Variants in PLXNB1 observed in about 807,000 individuals in gnomAD.
The protein encoded by PLXNB1 is plexin B1.
A neutral mutation model predicts 209.4 loss-of-function variants in PLXNB1; 106 were observed. The ratio of observed to expected loss-of-function variants is 0.51; its 90% CI spans 0.43 to 0.59. The LOEUF (loss-of-function observed/expected upper bound fraction) is 0.59. Ranked by LOEUF, PLXNB1 falls within the 20% of genes least tolerant of loss-of-function variation. The pLI, the probability that PLXNB1 is intolerant of heterozygous loss-of-function variation, is 0.00. For missense variants in PLXNB1, 2,357 were observed against 2,853.2 expected (o/e 0.83, Z 3.96); for synonymous variants, 1,167 against 1,183.2 (o/e 0.99, Z 0.28).
Position 48,420,305 on chromosome 3 carries a change from G to C in PLXNB1, c.2029-48C>G, listed in dbSNP as rs1243166227. 2.6e-6 allele frequency: 3 copies of C among 1,153,250 alleles called. 1 individual carries two copies. The South Asian group carries it at 4.1e-5, about 16-fold the overall frequency. The allele number at this position is 1,153,250 out of a possible 1,614,324, so 71.4% of individuals were successfully genotyped here. A position where few individuals can be genotyped will look rare whatever the true frequency, so the allele number is the denominator to read the frequency against. ...ACAGGAAGGGCCACTCAGCAGGCAG[G>C]CGCGGGACAGGAGGCAGGCAGGCAC... On this transcript the variant is annotated intron_variant, in intron 10 of 37. Coordinates refer to ENST00000296440, the MANE Select transcript of PLXNB1 (RefSeq NM_001130082.3).
chr3:48,421,911 G>T, intron 6 of PLXNB1, 105 bp from the exon 7 acceptor site: 1 of 1,493,782 alleles, frequency 6.7e-7, no homozygotes, highest in Non-Finnish European at 9.0e-7. Flanking sequence ...CCCTAGAGTG[G>T]GCATGATAGA....
rs773641636 is a variant in PLXNB1, at chr3:48,413,792, G to T, written c.4413C>A (p.Ser1471=). ...CGCCGTCATACTGCACGTGACCCAG[G>T]GAGAAGCGCAAGTTCCCCATCTGCA... ...FTVQMGNLRF[S]LGHVQYDGES... is the part of the protein sequence containing the mutation. Residue 1471 remains serine (S), a synonymous_variant, in exon 23 of 38, where the codon TCC becomes TCA. Coordinates refer to ENST00000296440, the MANE Select transcript of PLXNB1 (RefSeq NM_001130082.3). The surrounding 1 kb of genome is among the most constrained non-coding windows in gnomAD (Gnocchi z 5.4). 13 of 1,613,578 alleles carry T rather than the reference G, an allele frequency of 8.1e-6. No individual in the cohort carries two copies. Among genetic ancestry groups the T allele is most frequent in the African/African-American group, 1.3e-5 (1 of 74,950 alleles).
chr3:48,419,067 C>T lies in PLXNB1; in HGVS notation c.2833-28G>A, dbSNP rs2038308526. ...GAGGGCAGAGAACACAGCTGTTGGG[C>T]AGCTTCAGGAGCTGGGCCCAGGGAG... On this transcript the variant is annotated intron_variant, in intron 12 of 37. Coordinates refer to ENST00000296440, the MANE Select transcript of PLXNB1 (RefSeq NM_001130082.3). The surrounding 1 kb of genome is among the most constrained non-coding windows in gnomAD (Gnocchi z 5.7). 6 of 1,610,708 alleles carry T rather than the reference C, an allele frequency of 3.7e-6. No individual in the cohort carries two copies. Among genetic ancestry groups the T allele is most frequent in the Non-Finnish European group, 5.1e-6 (6 of 1,177,354 alleles).
In PLXNB1 at chr3:48,410,529, T is replaced by C; in HGVS notation, c.5446A>G (p.Ile1816Val). Residue 1816 changes from isoleucine to valine, a missense_variant, in exon 30 of 38, where the codon ATT becomes GTT. Physicochemically the swap from Ile to Val is conservative, Grantham distance 29 (BLOSUM62 3). Transcript: ENST00000296440. The surrounding 1 kb of genome is among the most constrained non-coding windows in gnomAD (Gnocchi z 6.4). ...GAAGTGACATCCTCGTCAGAAAGAA[T>C]GAGGTGCCCGGCCACCCCAGACCGC... ...EWRSGVAGHL[I>V]LSDEDVTSEV... The C allele has an allele frequency of 6.2e-7, 1 of 1,613,660 alleles. No individual in the cohort carries two copies. The highest frequency in any genetic ancestry group is 8.5e-7 in the Non-Finnish European group (1 of 1,179,968).
Position 48,410,848 on chromosome 3 carries a change from G to A in PLXNB1, c.5416+20C>T. On this transcript the variant is annotated intron_variant, in intron 29 of 37. Coordinates refer to ENST00000296440, the MANE Select transcript of PLXNB1 (RefSeq NM_001130082.3). The surrounding 1 kb of genome is among the most constrained non-coding windows in gnomAD (Gnocchi z 6.4). ...GGCCCAACAGTGGCTCAGGTCCCCAGGGGCTCTCCACGCCCTCACCAACAT... is the reference window on the plus strand; with the variant it reads ...GGCCCAACAGTGGCTCAGGTCCCCAAGGGCTCTCCACGCCCTCACCAACAT... The A allele has an allele frequency of 6.3e-7, 1 of 1,599,406 alleles. No individual in the cohort carries two copies. Among genetic ancestry groups the A allele is most frequent in the Non-Finnish European group, 8.5e-7 (1 of 1,173,004 alleles).
At position 48,412,563 on chromosome 3, in the gene PLXNB1, C is replaced by T; in HGVS notation, c.4912G>A (p.Ala1638Thr). The T allele has an allele frequency of 1.2e-6, 2 of 1,613,590 alleles. No individual in the cohort carries two copies. The highest frequency in any genetic ancestry group is 1.7e-6 in the Non-Finnish European group (2 of 1,180,012). The change falls in exon 26 of 38, where the codon GCA (alanine) becomes ACA (threonine). Residue 1638 changes from alanine (A) to threonine (T), a missense_variant. By Grantham distance (58) the Ala-to-Thr change is moderately conservative. Around this residue, in one of 7 missense-constraint regions of PLXNB1, gnomAD observed 743 missense variants for 896.2 expected, o/e 0.83. Coordinates refer to ENST00000296440, the MANE Select transcript of PLXNB1 (RefSeq NM_001130082.3). The stretch of plus-strand genomic sequence containing the variant: ...TGCAGTGCCACGGTGAGCAGAGATG[C>T]CACGTAGGCACGGTCCCGAGCTGAA... Reference protein sequence around the residue: ...TFSARDRAYVASLLTVALHGK... With the variant: ...TFSARDRAYVTSLLTVALHGK...
chr3:48,416,090 C>G lies in PLXNB1; in HGVS notation c.3558G>C (p.Lys1186Asn). 1 of 1,601,372 alleles carries G rather than the reference C, an allele frequency of 6.2e-7. No homozygotes were observed. Among genetic ancestry groups the G allele is most frequent in the Non-Finnish European group, 8.5e-7 (1 of 1,174,216 alleles). ...GGTRLTLNGSKLLTGRLEDIR... is the reference protein window; with the variant it reads ...GGTRLTLNGSNLLTGRLEDIR... ...TGTCCTCCAGCCGCCCAGTCAGGAGCTTGGAGCCATTCAGGGTGAGACGGG... is the reference window on the plus strand; with the variant it reads ...TGTCCTCCAGCCGCCCAGTCAGGAGGTTGGAGCCATTCAGGGTGAGACGGG... Residue 1186 changes from lysine to asparagine, a missense_variant, in exon 18 of 38, where the codon AAG becomes AAC. Lys to Asn is a moderately conservative substitution (Grantham distance 94, BLOSUM62 0). Coordinates refer to ENST00000296440, the MANE Select transcript of PLXNB1 (RefSeq NM_001130082.3). This position sits in a 1 kb window ranked among gnomAD's most constrained non-coding sequence, Gnocchi z 4.1.
chr3:48,414,747 C>T (rs533950964), intron 21 of PLXNB1, 52 bp downstream of exon 21: 5 of 1,589,854 alleles, frequency 3.1e-6, no homozygotes, highest in African/African-American at 2.7e-5. Context: ...GCAGTGCTGT[C>T]CAGCCAAGGG....
At chr3:48,421,547 C>T (rs2038519619) in intron 7 of PLXNB1, 127 bp downstream of exon 7, 8 of 1,215,916 alleles carry the variant, frequency 6.6e-6, no homozygotes, top group Non-Finnish European at 9.1e-6. Context: ...AACTGAGCTC[C>T]TAAAAGAAGT....
At position 48,411,480 on chromosome 3, in the gene PLXNB1, GAGA is replaced by G. The variant is rs1379698906; in HGVS notation, c.5247+380_5247+382del. 6.6e-6 allele frequency among the ~76,000 whole-genome samples: 1 copy of G among 152,202 alleles called. No homozygotes were observed. Among genetic ancestry groups the G allele is most frequent in the Non-Finnish European group, 1.5e-5 (1 of 68,034 alleles). On this transcript the variant is annotated intron_variant, in intron 28 of 37. Transcript: ENST00000296440. This position sits in a 1 kb window ranked among gnomAD's most constrained non-coding sequence, Gnocchi z 4.0. The stretch of plus-strand genomic sequence containing the variant: ...TAACTAAGGGGAAAGCAAACCCAGA[GAGA>G]AGTGCCTGCCAGAGTGAGGCTGGCT...
chr3:48,411,795 AC>A lies in PLXNB1; in HGVS notation c.5247+67del, dbSNP rs2037699511. ...AGAAGCTGGTGTCCAGACCCCACAC[AC>A]CCACACACTCTCCACCCTCGCCCTC... On this transcript the variant is annotated intron_variant, in intron 28 of 37. Transcript: ENST00000296440. This position sits in a 1 kb window ranked among gnomAD's most constrained non-coding sequence, Gnocchi z 4.0. 1 of 1,551,124 alleles carries A rather than the reference AC, an allele frequency of 6.4e-7. No individual in the cohort carries two copies. The highest frequency in any genetic ancestry group is 1.4e-5 in the African/African-American group (1 of 73,942).
rs34666477 is a variant in PLXNB1 at position 48,410,778 on chromosome 3, C to G, written c.5416+90G>C. On this transcript the variant is annotated intron_variant, in intron 29 of 37. Transcript: ENST00000296440. The surrounding 1 kb of genome is among the most constrained non-coding windows in gnomAD (Gnocchi z 6.4). ...CCTGCCTCCCAGCATCCTCCCCACCCTGAGTGATGAGTTGTCCCTGCAGAG... is the reference window on the plus strand; with the variant it reads ...CCTGCCTCCCAGCATCCTCCCCACCGTGAGTGATGAGTTGTCCCTGCAGAG... The G allele has an allele frequency of 6.8e-6, 9 of 1,317,922 alleles. No individual in the cohort carries two copies. In the Admixed American group the frequency reaches 1.5e-4, roughly 22 times the overall value. The allele number at this position is 1,317,922 out of a possible 1,614,324, so 81.6% of individuals were successfully genotyped here. A position where few individuals can be genotyped will look rare whatever the true frequency, so the allele number is the denominator to read the frequency against.
Position 48,423,770 on chromosome 3 carries a change from A to T in PLXNB1, c.842T>A (p.Val281Glu), listed in dbSNP as rs1369460039. ...GRYGLIQAAA[V>E]ATSREVAHGE... ...ATGCGCCACCTCCCTGGACGTGGCC[A>T]CAGCTGCAGCCTGGATCAGCCCGTA... The change falls in exon 3 of 38, where the codon GTG becomes GAG. Residue 281 changes from valine to glutamate, a missense_variant. Physicochemically the swap from Val to Glu is moderately radical, Grantham distance 121 (BLOSUM62 -2). Around this residue, in one of 7 missense-constraint regions of PLXNB1, gnomAD observed 404 missense variants for 443.6 expected, o/e 0.91. Coordinates refer to ENST00000296440, the MANE Select transcript of PLXNB1 (RefSeq NM_001130082.3). 1.2e-6 allele frequency: 2 copies of T among 1,613,972 alleles called. No homozygotes were observed. Among genetic ancestry groups the T allele is most frequent in the Non-Finnish European group, 1.7e-6 (2 of 1,179,988 alleles).
intron 3 of PLXNB1, 97 bp from the exon 4 acceptor site, chr3:48,423,044 G>C (rs2038640088): frequency 3.8e-6 from 4 of 1,062,856 alleles, no homozygotes; most frequent in Admixed American, 4.4e-5. Flanking sequence ...AGCCGCTCTG[G>C]TAGCTCTCCC....
Position 48,418,639 on chromosome 3 carries a change from A to T in PLXNB1, c.2956-97T>A. The T allele has an allele frequency of 8.9e-7, 1 of 1,127,074 alleles. No individual in the cohort carries two copies. The highest frequency in any genetic ancestry group is 1.3e-6 in the Non-Finnish European group (1 of 766,540). 69.8% of individuals were successfully genotyped at this position (1,127,074 alleles called of 1,614,324 possible). On this transcript the variant is annotated intron_variant, in intron 13 of 37. Coordinates refer to ENST00000296440, the MANE Select transcript of PLXNB1 (RefSeq NM_001130082.3). This position sits in a 1 kb window ranked among gnomAD's most constrained non-coding sequence, Gnocchi z 6.6. The stretch of plus-strand genomic sequence containing the variant: ...GAAAGGACTAAAACGACCAGTTAGG[A>T]GCATAGGGTCAGAGGGACCCCATGG...
At position 48,413,234 on chromosome 3, in the gene PLXNB1, A is replaced by G. The variant is rs2037821596; in HGVS notation, c.4536-65T>C. 1.4e-5 allele frequency: 18 copies of G among 1,274,088 alleles called. No individual in the cohort carries two copies. Among genetic ancestry groups the G allele is most frequent in the Non-Finnish European group, 1.9e-5 (17 of 882,546 alleles). The allele number at this position is 1,274,088 out of a possible 1,614,324, so 78.9% of individuals were successfully genotyped here. ...TCCTACTCGCCCAGGCCTGCCTGACAATCCCCAGGCACACCCCGGCCTCAT... is the reference window on the plus strand; with the variant it reads ...TCCTACTCGCCCAGGCCTGCCTGACGATCCCCAGGCACACCCCGGCCTCAT... On this transcript the variant is annotated intron_variant, in intron 23 of 37. Transcript: ENST00000296440. The surrounding 1 kb of genome is among the most constrained non-coding windows in gnomAD (Gnocchi z 5.4).
At position 48,429,043 on chromosome 3, in the gene PLXNB1, G is replaced by C. The variant is rs1198944765; in HGVS notation, c.-60+965C>G. ...GGCGACGGCGAGGAGGGGGCGCGGA[G>C]GAGCAGCTCCACCTCCTCAGTCTCC... On this transcript the variant is annotated intron_variant, in intron 1 of 37. Transcript: ENST00000296440. This position sits in a 1 kb window ranked among gnomAD's most constrained non-coding sequence, Gnocchi z 6.4. 2.0e-5 allele frequency among the ~76,000 whole-genome samples: 3 copies of C among 152,332 alleles called. No individual in the cohort carries two copies. The East Asian group carries it at 5.8e-4, about 29-fold the overall frequency.
chr3:48,422,551 A>G (rs1575407917), intron 4 of PLXNB1, 92 bp from the exon 5 acceptor site: 2 of 1,432,498 alleles, frequency 1.4e-6, no homozygotes, highest in East Asian at 5.0e-5. Context: ...TAATTTACAA[A>G]TAGAATTTCC....
chr3:48,420,532 G>T, intron 10 of PLXNB1, 133 bp downstream of exon 10: 2 of 726,790 alleles, frequency 2.8e-6, no homozygotes, highest in South Asian at 3.5e-5. Flanking sequence ...TCTCCAGGGA[G>T]TCCGTCACAT....
Sources: allele counts gnomAD v4.1 joint callset (sites outside exome capture counted in the v4.1 genomes callset), GRCh38; gene constraint gnomAD v4.1.1; regional missense constraint gnomAD v4.1.1; non-coding constraint Gnocchi (gnomAD v3.1); transcripts MANE v1.5; gene names NCBI Gene and HGNC (gene_info 2026-07-23, HGNC 2026-07-21).